Variants in NOS1 observed in about 807,000 individuals in gnomAD.
NOS1 encodes the protein NOS type I.
A neutral mutation model predicts 164.5 loss-of-function variants in NOS1; 51 were observed. That is an observed-to-expected ratio of 0.31 (90% CI 0.25 to 0.39). The LOEUF (loss-of-function observed/expected upper bound fraction) is 0.39. Among genes scored for constraint, NOS1 ranks in the 10% least tolerant of loss-of-function variants. The pLI is 1.00. For synonymous variants in NOS1, 719 were observed against 745.8 expected (o/e 0.96, Z 0.59); for missense variants, 1,362 against 1,885.6 (o/e 0.72, Z 5.14).
intron 28 of NOS1, among the ~76,000 whole-genome samples, chr12:117,215,705 T>C (rs932345814): frequency 4.6e-5 from 7 of 152,098 alleles, no homozygotes; most frequent in African/African-American, 1.7e-4. Context: ...AGTGCTGGGA[T>C]TGCAGGCGTG....
chr12:117,335,331 G>C (rs114943872), intron 1 of NOS1, among the ~76,000 whole-genome samples: 1,602 of 152,224 alleles, frequency 0.011, 25 homozygotes, highest in African/African-American at 0.035. Flanking sequence ...AATTGCCTGA[G>C]AGCCCTGCCT....
Position 117,331,023 on chromosome 12 carries a change from A to T in NOS1, c.47T>A (p.Ile16Asn). Residue 16 changes from isoleucine to asparagine, a missense_variant, in exon 2 of 29, where the codon ATT (isoleucine) becomes AAT (asparagine). By Grantham distance (149) the Ile-to-Asn change is moderately radical. Coordinates refer to ENST00000317775, the MANE Select transcript of NOS1 (RefSeq NM_000620.5). ...TTTGCGCTTGAAGAGACGAACAGAA[A>T]TGACATTGGGCTGGATTTGCTGAAC... ...FGVQQIQPNV[I>N]SVRLFKRKVG... 1 of 1,614,056 alleles carries T rather than the reference A, an allele frequency of 6.2e-7. No individual in the cohort carries two copies. The highest frequency in any genetic ancestry group is 1.1e-5 in the South Asian group (1 of 91,074).
intron 17 of NOS1, among the ~76,000 whole-genome samples, chr12:117,253,205 A>G (rs980173595): frequency 6.6e-6 from 1 of 152,184 alleles, no homozygotes; most frequent in Admixed American, 6.5e-5. Context: ...TGGTTATTGT[A>G]TTAGTACACT....
At chr12:117,307,662 C>A (rs1220101624) in intron 3 of NOS1, among the ~76,000 whole-genome samples, 1 of 151,906 alleles carries the variant, frequency 6.6e-6, no homozygotes, top group Non-Finnish European at 1.5e-5. Context: ...CCACTGTGCC[C>A]AGCCAAAAAA....
intron 1 of NOS1, among the ~76,000 whole-genome samples, chr12:117,336,493 G>A (rs1393536061): frequency 6.6e-6 from 1 of 152,182 alleles, no homozygotes; most frequent in Non-Finnish European, 1.5e-5. Context: ...GGCAGGTTCA[G>A]TTGCAATGTG....
rs1872829636 is a variant in NOS1, at chr12:117,288,178, C to T, written c.1023G>A (p.Met341Ile). Reference protein sequence around the residue: ...CTEYICMGSIMHPSQHARRPE... With the variant: ...CTEYICMGSIIHPSQHARRPE... ...GCCTCCTTGCATGCTGAGAAGGATG[C>T]ATGATGGAGCCCATGCAGATGTACT... The change falls in exon 5 of 29, where the codon ATG becomes ATA. Residue 341 changes from methionine to isoleucine, a missense_variant. By Grantham distance (10) the Met-to-Ile change is conservative (BLOSUM62 1). Transcript: ENST00000317775. The T allele has an allele frequency of 6.2e-7, 1 of 1,613,918 alleles. No individual in the cohort carries two copies. The highest frequency in any genetic ancestry group is 8.5e-7 in the Non-Finnish European group (1 of 1,179,984).
In NOS1 at chr12:117,216,427, C is replaced by T. The variant is rs576796753; in HGVS notation, c.4290-1103G>A. 7.9e-5 allele frequency among the ~76,000 whole-genome samples: 12 copies of T among 152,014 alleles called. No homozygotes were observed. In the South Asian group the frequency reaches 1.9e-3, roughly 24 times the overall value. ...TTGATCTCCTGACCTCATGATCCACCGGCCTCAGCCTCCCGAAGTGCTGGG... is the reference window on the plus strand; with the variant it reads ...TTGATCTCCTGACCTCATGATCCACTGGCCTCAGCCTCCCGAAGTGCTGGG... On this transcript the variant is annotated intron_variant, in intron 28 of 28. Transcript: ENST00000317775.
chr12:117,322,348 TCCA>T, intron 2 of NOS1, among the ~76,000 whole-genome samples: 1 of 127,686 alleles, frequency 7.8e-6, no homozygotes, highest in Non-Finnish European at 1.6e-5. Context: ...CCTCCCTCCT[TCCA>T]TCCTTCCTTC....
intron 22 of NOS1, 132 bp from the exon 23 acceptor site, chr12:117,227,773 T>C (rs2135934981): frequency 3.7e-6 from 3 of 812,356 alleles, no homozygotes; most frequent in East Asian, 2.7e-5. Flanking sequence ...ATGCTTGTAA[T>C]TGCAGTGCTT....
Position 117,311,540 on chromosome 12 carries a change from G to T in NOS1, c.778C>A (p.Arg260=). The change falls in exon 3 of 29, where the codon CGA becomes AGA. Residue 260 remains arginine, a synonymous_variant. Coordinates refer to ENST00000317775, the MANE Select transcript of NOS1 (RefSeq NM_000620.5). ...TTCCCCCATAGGTCATTGAAGACTC[G>T]GTCGTTCTCCACGCCGAGGGGCAGA... ...KPLPLGVEND[R]VFNDLWGKGN... is the part of the protein sequence containing the mutation. 1.2e-6 allele frequency: 2 copies of T among 1,613,090 alleles called. No homozygotes were observed. Among genetic ancestry groups the T allele is most frequent in the Non-Finnish European group, 1.7e-6 (2 of 1,179,586 alleles).
chr12:117,338,387 C>G (rs1445833444), intron 1 of NOS1, among the ~76,000 whole-genome samples: 1 of 147,334 alleles, frequency 6.8e-6, no homozygotes, highest in African/African-American at 2.5e-5. Context: ...GGTGACAGAA[C>G]AAGACCCTGT....
rs893705575 is a variant in NOS1 at position 117,209,407 on chromosome 12, C to A, written c.*5902G>T. The A allele has an allele frequency of 8.1e-6, 8 of 985,482 alleles. No individual in the cohort carries two copies. Among genetic ancestry groups the A allele is most frequent in the Non-Finnish European group, 9.6e-6 (8 of 829,970 alleles). The allele number at this position is 985,482 out of a possible 1,614,324, so 61.0% of individuals were successfully genotyped here. On this transcript the variant is annotated 3_prime_UTR_variant, in exon 29 of 29. Transcript: ENST00000317775. ...TGCCAATAGTGCTAAGGTTGACAGACCCTGCGCTACAGTCTCCTAGAACTT... is the reference window on the plus strand; with the variant it reads ...TGCCAATAGTGCTAAGGTTGACAGAACCTGCGCTACAGTCTCCTAGAACTT...
chr12:117,351,943 G>A (rs1430190095), intron 1 of NOS1, among the ~76,000 whole-genome samples: 1 of 152,162 alleles, frequency 6.6e-6, no homozygotes, highest in Non-Finnish European at 1.5e-5. Context: ...CATTTTGGGA[G>A]GCCCAGGTGG....
chr12:117,283,054 A>AT (rs1383049926), intron 7 of NOS1, among the ~76,000 whole-genome samples: 64 of 101,096 alleles, frequency 6.3e-4, no homozygotes, highest in African/African-American at 2.0e-3. Context: ...ATATATATAT[A>AT]TATTTTTTTT....
chr12:117,246,991 A>T (rs549526900), intron 18 of NOS1, among the ~76,000 whole-genome samples: 1 of 152,252 alleles, frequency 6.6e-6, no homozygotes, highest in South Asian at 2.1e-4. Flanking sequence ...AAATTGGTAG[A>T]CTGCCAAGAT....
chr12:117,276,069 G>T (rs1276808438), intron 9 of NOS1, among the ~76,000 whole-genome samples: 1 of 152,110 alleles, frequency 6.6e-6, no homozygotes, highest in South Asian at 2.1e-4. Context: ...TACATAGTAG[G>T]TGCATGTACT....
chr12:117,209,894 C>T lies in NOS1; in HGVS notation c.*5415G>A. 4 of 985,522 alleles carry T rather than the reference C, an allele frequency of 4.1e-6. No individual in the cohort carries two copies. The highest frequency in any genetic ancestry group is 4.8e-6 in the Non-Finnish European group (4 of 829,986). 61.0% of individuals were successfully genotyped at this position (985,522 alleles called of 1,614,324 possible). Reference sequence around the variant, plus strand: ...TCAAATCCCTGTTCATGGGGAACATCTATGTTGACTCCCTGGGAGGCAGGC... The same window carrying T: ...TCAAATCCCTGTTCATGGGGAACATTTATGTTGACTCCCTGGGAGGCAGGC... On this transcript the variant is annotated 3_prime_UTR_variant, in exon 29 of 29. Coordinates refer to ENST00000317775, the MANE Select transcript of NOS1 (RefSeq NM_000620.5).
rs777885568 is a variant in NOS1 at position 117,330,690 on chromosome 12, C to T, written c.380G>A (p.Gly127Asp). ...CAGATCCACGGCTTTGGTGGGGGGA[C>T]CCAGGGGCTGTGTCACCCGGATGGT... is the stretch of plus-strand genomic sequence containing the variant. ...PKTIRVTQPLGPPTKAVDLSH... is the reference protein window; with the variant it reads ...PKTIRVTQPLDPPTKAVDLSH... Residue 127 changes from glycine (G) to aspartate (D), a missense_variant, in exon 2 of 29, where the codon GGT (glycine) becomes GAT (aspartate). Coordinates refer to ENST00000317775, the MANE Select transcript of NOS1 (RefSeq NM_000620.5). The surrounding 1 kb of genome is among the most constrained non-coding windows in gnomAD (Gnocchi z 4.6). 1 of 1,613,532 alleles carries T rather than the reference C, an allele frequency of 6.2e-7. No individual in the cohort carries two copies. Among genetic ancestry groups the T allele is most frequent in the South Asian group, 1.1e-5 (1 of 91,068 alleles).
At chr12:117,261,272 A>T (rs1007784142) in intron 13 of NOS1, among the ~76,000 whole-genome samples, 4 of 151,420 alleles carry the variant, frequency 2.6e-5, no homozygotes, top group Non-Finnish European at 4.4e-5. Flanking sequence ...TACTTGATTG[A>T]TCCCAGGCTT....
Sources: allele counts gnomAD v4.1 joint callset (sites outside exome capture counted in the v4.1 genomes callset), GRCh38; gene constraint gnomAD v4.1.1; non-coding constraint Gnocchi (gnomAD v3.1); transcripts MANE v1.5; gene names NCBI Gene and HGNC (gene_info 2026-07-23, HGNC 2026-07-21).